The following ATF7 variants were observed in gnomAD, a reference collection of about 807,000 sequenced individuals.
ATF7 encodes cyclic AMP-dependent transcription factor ATF-7.
In ATF7, 10 loss-of-function variants were observed where a neutral mutation model predicts 50.4. That is an observed-to-expected ratio of 0.20 (90% CI 0.12 to 0.34). ATF7 has a LOEUF of 0.34. Among genes scored for constraint, ATF7 ranks in the 10% least tolerant of loss-of-function variants. The pLI, the probability that ATF7 is intolerant of heterozygous loss-of-function variation, is 1.00. For missense variants in ATF7, 465 were observed against 613.9 expected, an observed-to-expected ratio of 0.76 and a Z score of 2.56; for synonymous variants, 201 against 226.4, an observed-to-expected ratio of 0.89 and a Z score of 1.01.
chr12:53,527,929 C>T (rs1455999299), intron 9 of ATF7, among the ~76,000 whole-genome samples: 2 of 151,938 alleles, frequency 1.3e-5, no homozygotes, highest in Non-Finnish European at 2.9e-5. Flanking sequence ...GTAACCTCCA[C>T]CTCCCAGGTT....
intron 8 of ATF7, 52 bp from the exon 9 acceptor site, chr12:53,531,948 G>A: frequency 6.3e-7 from 1 of 1,594,948 alleles, no homozygotes; most frequent in Non-Finnish European, 8.5e-7. Flanking sequence ...TTCTATCAAG[G>A]ATGAGAAGAG....
chr12:53,545,432 G>A lies in ATF7; in HGVS notation c.146-1984C>T, dbSNP rs182414506. ...CCTCACCGTAATCTCTGCCTCCCAA[G>A]TTCAAGGGATTCTCCTGCCTCAGCC... On this transcript the variant is annotated intron_variant, in intron 3 of 11. Transcript: ENST00000420353. Among the ~76,000 whole-genome samples the A allele has an allele frequency of 1.5e-3, 234 of 152,242 alleles. 3 individuals carry two copies. Among genetic ancestry groups the A allele is most frequent in the African/African-American group, 5.2e-3 (215 of 41,544 alleles).
At chr12:53,585,392 C>T (rs1942629641) in intron 2 of ATF7, among the ~76,000 whole-genome samples, 1 of 151,966 alleles carries the variant, frequency 6.6e-6, no homozygotes, top group Non-Finnish European at 1.5e-5. Flanking sequence ...AACAAATTAG[C>T]ATTGTGGTTC....
chr12:53,572,066 C>CAA (rs796070397), intron 2 of ATF7, among the ~76,000 whole-genome samples: 2 of 130,880 alleles, frequency 1.5e-5, no homozygotes, highest in Non-Finnish European at 3.3e-5. Flanking sequence ...GACTCCATCT[C>CAA]AAAAAAAAAA....
intron 1 of ATF7, among the ~76,000 whole-genome samples, chr12:53,615,030 A>G (rs1391207100): frequency 6.6e-6 from 1 of 152,072 alleles, no homozygotes; most frequent in Non-Finnish European, 1.5e-5. Flanking sequence ...TGGTAAGCAG[A>G]AATCATGCCA....
At chr12:53,552,497 T>C in intron 3 of ATF7, 44 bp downstream of exon 3, 1 of 1,465,748 alleles carries the variant, frequency 6.8e-7, no homozygotes, top group Non-Finnish European at 9.6e-7. Context: ...TAATCTTAAC[T>C]GCCTGGTGGT....
At chr12:53,620,972 TC>T (rs1363163611) in intron 1 of ATF7, among the ~76,000 whole-genome samples, 3 of 152,218 alleles carry the variant, frequency 2.0e-5, no homozygotes, top group Admixed American at 6.5e-5. Flanking sequence ...ATATTATTTC[TC>T]AGAAAGATTC....
chr12:53,608,406 G>T (rs557353590), intron 1 of ATF7, among the ~76,000 whole-genome samples: 1 of 151,994 alleles, frequency 6.6e-6, no homozygotes, highest in African/African-American at 2.4e-5. Flanking sequence ...GTTATAAACC[G>T]TTTCATATAG....
At chr12:53,520,190 A>C (rs537367758) in intron 11 of ATF7, among the ~76,000 whole-genome samples, 10 of 152,222 alleles carry the variant, frequency 6.6e-5, no homozygotes, top group Admixed American at 5.9e-4. Context: ...TATGAACTGT[A>C]AATGTTGGAG....
chr12:53,623,745 A>G (rs771818875), intron 1 of ATF7, among the ~76,000 whole-genome samples: 5 of 152,192 alleles, frequency 3.3e-5, no homozygotes, highest in African/African-American at 7.2e-5. Context: ...GCACAAAACA[A>G]TAACTTCTGA....
chr12:53,527,609 TC>T (rs1413782829), intron 9 of ATF7, among the ~76,000 whole-genome samples: 1 of 151,890 alleles, frequency 6.6e-6, no homozygotes, highest in African/African-American at 2.4e-5. Flanking sequence ...CATGGTGAAA[TC>T]CCACCTCTAC....
intron 2 of ATF7, among the ~76,000 whole-genome samples, chr12:53,598,685 C>T (rs865982494): frequency 6.6e-6 from 1 of 152,224 alleles, no homozygotes; most frequent in Non-Finnish European, 1.5e-5. Flanking sequence ...GTGGATACTA[C>T]TCTTTTCTGA....
chr12:53,563,640 G>C (rs897514392), intron 2 of ATF7, among the ~76,000 whole-genome samples: 1 of 152,234 alleles, frequency 6.6e-6, no homozygotes, highest in African/African-American at 2.4e-5. Flanking sequence ...TAAACTACTA[G>C]AGGGTTAAAA....
At chr12:53,543,177 T>A in intron 4 of ATF7, 153 bp downstream of exon 4, 1 of 1,530,936 alleles carries the variant, frequency 6.5e-7, no homozygotes, top group Non-Finnish European at 8.8e-7. Flanking sequence ...AATGGCTGAC[T>A]GGGATTAGTG....
At chr12:53,520,117 C>G (rs1182562193) in intron 11 of ATF7, among the ~76,000 whole-genome samples, 1 of 152,190 alleles carries the variant, frequency 6.6e-6, no homozygotes, top group Non-Finnish European at 1.5e-5. Context: ...GGCTCTGTAG[C>G]TGGTTTTCCT....
intron 5 of ATF7, among the ~76,000 whole-genome samples, chr12:53,535,817 T>A (rs1244870987): frequency 6.6e-6 from 1 of 152,128 alleles, no homozygotes; most frequent in African/African-American, 2.4e-5. Flanking sequence ...ACTTATTAAT[T>A]GAAGTATAAC....
chr12:53,552,566 G>A lies in ATF7; in HGVS notation c.120C>T (p.Ala40=). ...KHEMTLKFGP[A]RTDSVIIADQ... Reference sequence around the variant, plus strand: ...CTGCAATGATGACTGAGTCAGTTCGGGCTGGGCCAAATTTCAATGTCATCT... The same window carrying A: ...CTGCAATGATGACTGAGTCAGTTCGAGCTGGGCCAAATTTCAATGTCATCT... The change falls in exon 3 of 12, where the codon GCC becomes GCT. Residue 40 remains alanine, a synonymous_variant. Coordinates refer to ENST00000420353, the MANE Select transcript of ATF7 (RefSeq NM_006856.3). The A allele has an allele frequency of 6.2e-7, 1 of 1,613,860 alleles. No individual in the cohort carries two copies. Among genetic ancestry groups the A allele is most frequent in the Non-Finnish European group, 8.5e-7 (1 of 1,179,832 alleles).
intron 2 of ATF7, among the ~76,000 whole-genome samples, chr12:53,565,988 A>AT (rs1941428289): frequency 6.6e-6 from 1 of 152,190 alleles, no homozygotes; most frequent in Non-Finnish European, 1.5e-5. Context: ...GCAGAGTCAC[A>AT]TCTTACATGG....
intron 5 of ATF7, among the ~76,000 whole-genome samples, chr12:53,535,630 C>T (rs1169160584): frequency 6.6e-6 from 1 of 152,064 alleles, no homozygotes; most frequent in Non-Finnish European, 1.5e-5. Flanking sequence ...CTTTTCTGTA[C>T]ATGTACTATA....
Sources: gnomAD v4.1 joint callset for allele counts (sites outside exome capture counted in the v4.1 genomes callset) on GRCh38, gnomAD v4.1.1 for gene constraint, MANE v1.5 for transcripts, NCBI Gene and HGNC (gene_info 2026-07-23, HGNC 2026-07-21) for gene names.